The following OGG1 variants were observed in gnomAD, a reference collection of about 807,000 sequenced individuals.
OGG1 encodes the protein 8-oxoguanine DNA glycosylase.
OGG1 carries 35 observed loss-of-function variants against 42.3 expected under a neutral mutation model. The ratio of observed to expected loss-of-function variants is 0.83; its 90% CI spans 0.63 to 1.10. OGG1 has a LOEUF of 1.10. Ranked by LOEUF, OGG1 falls within the 50% of genes least tolerant of loss-of-function variation. OGG1 has a pLI of 0.00. For missense variants in OGG1, 484 were observed against 446.7 expected (o/e 1.08, Z -0.75); for synonymous variants, 189 against 179.0 (o/e 1.06, Z -0.44).
At chr3:9,750,772 G>C (rs2077265004) in intron 1 of OGG1, 173 bp from the exon 2 acceptor site, 1 of 867,588 alleles carries the variant, frequency 1.2e-6, no homozygotes, top group East Asian at 2.6e-5. Flanking sequence ...GCCATGCCCG[G>C]TTAAATTTTT....
downstream of OGG1, among the ~76,000 whole-genome samples, chr3:9,770,257 G>A (rs889604728): frequency 6.6e-6 from 1 of 152,122 alleles, no homozygotes; most frequent in Non-Finnish European, 1.5e-5. Flanking sequence ...GCTAGAGGCC[G>A]GCCAAACTCA....
Position 9,751,904 on chromosome 3 carries a change from G to A in OGG1, c.520G>A (p.Asp174Asn). ...TTTTGGACCTCGGCTCATCCAGCTTGATGATGTCACCTACCATGGCTTCCC... is the reference window on the plus strand; with the variant it reads ...TTTTGGACCTCGGCTCATCCAGCTTAATGATGTCACCTACCATGGCTTCCC... ...QAFGPRLIQL[D>N]DVTYHGFPSL... Residue 174 changes from aspartate (D) to asparagine (N), a missense_variant, in exon 3 of 7, where the codon GAT becomes AAT. Coordinates refer to ENST00000344629, the MANE Select transcript of OGG1 (RefSeq NM_002542.6). 6.2e-7 allele frequency: 1 copy of A among 1,614,220 alleles called. No homozygotes were observed. Among genetic ancestry groups the A allele is most frequent in the Non-Finnish European group, 8.5e-7 (1 of 1,180,046 alleles).
chr3:9,752,722 C>T (rs1358214630), intron 3 of OGG1, among the ~76,000 whole-genome samples: 1 of 152,212 alleles, frequency 6.6e-6, no homozygotes, highest in Non-Finnish European at 1.5e-5. Flanking sequence ...AAGAGACAGA[C>T]TGCCTCAAAA....
At chr3:9,755,545 C>G (rs1398274466) in intron 4 of OGG1, among the ~76,000 whole-genome samples, 4 of 150,100 alleles carry the variant, frequency 2.7e-5, no homozygotes, top group African/African-American at 4.9e-5. Flanking sequence ...CTCACTGCAA[C>G]CTCCGCCTCC....
downstream of OGG1, chr3:9,759,460 G>T: frequency 6.2e-7 from 1 of 1,614,064 alleles, no homozygotes; most frequent in South Asian, 1.1e-5. Context: ...TGGGGAGGCT[G>T]GGACCAGAAC....
intron 4 of OGG1, among the ~76,000 whole-genome samples, chr3:9,756,251 A>G (rs544941157): frequency 2.6e-5 from 4 of 152,334 alleles, no homozygotes; most frequent in African/African-American, 9.6e-5. Context: ...TGGGAGAGCC[A>G]GGATTGCACC....
chr3:9,767,925 T>A, downstream of OGG1: 1 of 1,266,880 alleles, frequency 7.9e-7, no homozygotes. Flanking sequence ...AACATTCATT[T>A]GTTTATTCAA....
chr3:9,774,798 A>G (rs2078344547), intron 2 of OGG1, among the ~76,000 whole-genome samples: 1 of 152,208 alleles, frequency 6.6e-6, no homozygotes, highest in Non-Finnish European at 1.5e-5. Context: ...CTGGTGGGAA[A>G]ATGATTTGCT....
chr3:9,767,805 G>A, downstream of OGG1: 1 of 1,607,228 alleles, frequency 6.2e-7, no homozygotes, highest in Non-Finnish European at 8.5e-7. Flanking sequence ...GGAAGGAGGA[G>A]ACTCAGCAGA....
intron 2 of OGG1, among the ~76,000 whole-genome samples, chr3:9,774,504 G>A (rs150787057): frequency 6.6e-6 from 1 of 151,300 alleles, no homozygotes; most frequent in African/African-American, 2.4e-5. Flanking sequence ...CGAAATGGTA[G>A]CCAAAAATGA....
At chr3:9,764,040 C>G (rs927251896) in intron 7 of OGG1, among the ~76,000 whole-genome samples, 2 of 152,174 alleles carry the variant, frequency 1.3e-5, no homozygotes, top group African/African-American at 4.8e-5. Flanking sequence ...CAGCCTCCCC[C>G]ACCAGACATA....
At chr3:9,777,581 C>T (rs989905553) in intron 2 of OGG1, among the ~76,000 whole-genome samples, 3 of 152,070 alleles carry the variant, frequency 2.0e-5, no homozygotes, top group African/African-American at 2.4e-5. Context: ...TGGCACAGTG[C>T]CAGGCAGATA....
rs1044436915 is a variant in OGG1, at chr3:9,750,247, G to C, written c.-40G>C. ...TTGGGCGTCGACGAGGCCTGGTTCT[G>C]GGTAGGCGGGGCTACTACGGGGCGG... On this transcript the variant is annotated 5_prime_UTR_variant, in exon 1 of 7. Coordinates refer to ENST00000344629, the MANE Select transcript of OGG1 (RefSeq NM_002542.6). The C allele has an allele frequency of 1.9e-6, 3 of 1,592,260 alleles. No homozygotes were observed. The highest frequency in any genetic ancestry group is 1.7e-5 in the Admixed American group (1 of 59,194).
intron 7 of OGG1, chr3:9,762,935 G>A: frequency 6.2e-7 from 1 of 1,614,118 alleles, no homozygotes; most frequent in Non-Finnish European, 8.5e-7. Flanking sequence ...GGTGTACAAT[G>A]CCCAGGTCAT....
chr3:9,777,587 A>G (rs756396927), intron 2 of OGG1, among the ~76,000 whole-genome samples: 2 of 152,194 alleles, frequency 1.3e-5, no homozygotes, highest in African/African-American at 2.4e-5. Flanking sequence ...AGTGCCAGGC[A>G]GATAGTAGGT....
chr3:9,761,104 C>T, downstream of OGG1: 1 of 348,844 alleles, frequency 2.9e-6, no homozygotes, highest in Non-Finnish European at 5.3e-6. Context: ...ATGGCATCAC[C>T]CCGTCTCCCT....
downstream of OGG1, chr3:9,757,550 G>T: frequency 6.2e-7 from 1 of 1,613,660 alleles, no homozygotes; most frequent in South Asian, 1.1e-5. This position sits in a 1 kb window ranked among gnomAD's most constrained non-coding sequence, Gnocchi z 4.5. Context: ...TAGAGCTGGT[G>T]GGGCAGTGTG....
chr3:9,756,430 C>G, intron 4 of OGG1, 41 bp from the exon 5 acceptor site: 1 of 1,610,556 alleles, frequency 6.2e-7, no homozygotes, highest in Non-Finnish European at 8.5e-7. Flanking sequence ...TGGCCACATG[C>G]TGCCCTTCTT....
At position 9,765,790 on chromosome 3, in the gene OGG1, T is replaced by G. The variant is rs2078125383; in HGVS notation, c.1049-19T>G. On this transcript the variant is annotated intron_variant, in intron 7 of 7. Coordinates refer to the OGG1 transcript ENST00000302008. ...AGGACAGCAATCTCATTCTCCATGC[T>G]GCCTTCCTTGCCCTCCAGGGCCTCC... 3 of 1,613,972 alleles carry G rather than the reference T, an allele frequency of 1.9e-6. No individual in the cohort carries two copies. The African/African-American group carries it at 4.0e-5, about 22-fold the overall frequency.
Sources: gnomAD v4.1 joint callset for allele counts (sites outside exome capture counted in the v4.1 genomes callset) on GRCh38, gnomAD v4.1.1 for gene constraint, Gnocchi (gnomAD v3.1) non-coding constraint, MANE v1.5 for transcripts, NCBI Gene and HGNC (gene_info 2026-07-23, HGNC 2026-07-21) for gene names.